Variants in CCDC171 observed in about 807,000 individuals in gnomAD.
CCDC171 encodes coiled-coil domain containing 171.
CCDC171 carries 177 observed loss-of-function variants against 168.2 expected under a neutral mutation model. The ratio of observed to expected loss-of-function variants is 1.05; its 90% CI spans 0.93 to 1.19. CCDC171 has a LOEUF of 1.19. Among genes scored for constraint, CCDC171 ranks in the 50% most tolerant of loss-of-function variants. The probability of loss-of-function intolerance (pLI) is 0.00; values close to 1 mark genes in which losing one functional copy is unlikely to be tolerated. For missense variants in CCDC171, 1,991 were observed against 1,539.0 expected (o/e 1.29, Z -4.91); for synonymous variants, 687 against 540.8 (o/e 1.27, Z -3.75).
intron 6 of CCDC171, among the ~76,000 whole-genome samples, chr9:15,602,568 A>C (rs1265930060): frequency 6.6e-6 from 1 of 150,758 alleles, no homozygotes; most frequent in African/African-American, 2.5e-5. Flanking sequence ...GAATATTAAC[A>C]TGAGTGAATT....
At chr9:15,897,042 C>T (rs1821001631) in intron 24 of CCDC171, among the ~76,000 whole-genome samples, 1 of 152,030 alleles carries the variant, frequency 6.6e-6, no homozygotes, top group Admixed American at 6.6e-5. Flanking sequence ...AATATAATGT[C>T]TCTGAGTCCC....
intron 21 of CCDC171, among the ~76,000 whole-genome samples, chr9:15,808,063 C>T (rs2059158535): frequency 6.6e-6 from 1 of 151,840 alleles, no homozygotes; most frequent in South Asian, 2.1e-4. Flanking sequence ...TTCATCATGT[C>T]CAGAAGTGAA....
At chr9:15,568,944 A>C (rs2039977143) in intron 2 of CCDC171, among the ~76,000 whole-genome samples, 1 of 152,148 alleles carries the variant, frequency 6.6e-6, no homozygotes, top group South Asian at 2.1e-4. Flanking sequence ...TGATTGCTTT[A>C]GGCATCTTCG....
intron 3 of CCDC171, among the ~76,000 whole-genome samples, chr9:15,575,431 C>T (rs1207590866): frequency 6.6e-6 from 1 of 152,112 alleles, no homozygotes; most frequent in Non-Finnish European, 1.5e-5. Flanking sequence ...ACCTTGGCCT[C>T]CCAAAGTGCT....
At chr9:15,969,477 G>A (rs934900999) in intron 25 of CCDC171, among the ~76,000 whole-genome samples, 2 of 152,104 alleles carry the variant, frequency 1.3e-5, no homozygotes, top group Non-Finnish European at 2.9e-5. Context: ...GGTCAGTTTG[G>A]CATAGTTACC....
rs527459479 is a variant in CCDC171 at position 15,886,956 on chromosome 9, T to C, written c.3600+12293T>C. Among the ~76,000 whole-genome samples the C allele has an allele frequency of 2.0e-5, 3 of 151,874 alleles. No individual in the cohort carries two copies. In the East Asian group the frequency reaches 5.8e-4, roughly 29 times the overall value. On this transcript the variant is annotated intron_variant, in intron 24 of 25. Transcript: ENST00000380701. Reference sequence around the variant, plus strand: ...AAAAATCTTACTCACAGAAACAGAGTAGAAGGTGGTTGGGGGTGGTTGGGG... The same window carrying C: ...AAAAATCTTACTCACAGAAACAGAGCAGAAGGTGGTTGGGGGTGGTTGGGG...
intron 10 of CCDC171, among the ~76,000 whole-genome samples, chr9:15,680,416 A>T (rs1308215715): frequency 6.6e-6 from 1 of 152,170 alleles, no homozygotes; most frequent in Non-Finnish European, 1.5e-5. Context: ...AGGACAATGG[A>T]TATTATTTTC....
At chr9:15,579,090 T>C (rs1391562606) in intron 4 of CCDC171, 67 bp downstream of exon 4, 3 of 1,251,936 alleles carry the variant, frequency 2.4e-6, no homozygotes, top group Non-Finnish European at 3.4e-6. Context: ...TCCTCGCTGT[T>C]GTGTGTACAT....
chr9:15,604,056 G>A (rs1208977028), intron 6 of CCDC171, among the ~76,000 whole-genome samples: 5 of 149,228 alleles, frequency 3.4e-5, no homozygotes, highest in Non-Finnish European at 5.9e-5. Flanking sequence ...CTTTTTTTTT[G>A]AGAAGTGTCT....
Position 15,887,499 on chromosome 9 carries a change from G to T in CCDC171, c.3600+12836G>T, listed in dbSNP as rs547655937. Among the ~76,000 whole-genome samples the T allele has an allele frequency of 2.6e-4, 40 of 152,046 alleles. 1 individual carries two copies. Among genetic ancestry groups the T allele is most frequent in the Non-Finnish European group, 2.9e-4 (20 of 68,020 alleles). On this transcript the variant is annotated intron_variant, in intron 24 of 25. Transcript: ENST00000380701. ...AGAAAACATTAAAAGGTAAACTGTGGCATATAAAATTTTAAGGTATTTGTT... is the reference window on the plus strand; with the variant it reads ...AGAAAACATTAAAAGGTAAACTGTGTCATATAAAATTTTAAGGTATTTGTT...
intron 1 of CCDC171, among the ~76,000 whole-genome samples, chr9:16,045,903 T>C (rs141122900): frequency 0.014 from 2,153 of 152,302 alleles, 46 homozygotes; most frequent in African/African-American, 0.048. Context: ...TTCCCTGGGA[T>C]ATACACATTC....
chr9:15,615,641 G>T (rs1004412206), intron 6 of CCDC171, among the ~76,000 whole-genome samples: 5 of 151,912 alleles, frequency 3.3e-5, no homozygotes, highest in African/African-American at 9.7e-5. Context: ...TGATTTTCCA[G>T]GTTCTTTTTT....
intron 24 of CCDC171, among the ~76,000 whole-genome samples, chr9:15,916,175 T>C (rs1338589196): frequency 6.6e-6 from 1 of 151,898 alleles, no homozygotes; most frequent in Non-Finnish European, 1.5e-5. Context: ...CTCAGAAATA[T>C]TGAATCTTTC....
At chr9:15,982,800 C>T (rs1345824958) in intron 3 of CCDC171, among the ~76,000 whole-genome samples, 2 of 152,104 alleles carry the variant, frequency 1.3e-5, no homozygotes, top group Non-Finnish European at 2.9e-5. Flanking sequence ...CTTCACGATT[C>T]ATTTCCCTGC....
At chr9:15,631,269 A>T (rs427078) in intron 7 of CCDC171, among the ~76,000 whole-genome samples, 13 of 150,876 alleles carry the variant, frequency 8.6e-5, no homozygotes, top group South Asian at 4.2e-4. Context: ...ATTGATAGAC[A>T]GCTAGCAAGA....
intron 16 of CCDC171, among the ~76,000 whole-genome samples, chr9:15,731,278 C>T (rs1279596502): frequency 6.6e-6 from 1 of 152,064 alleles, no homozygotes; most frequent in East Asian, 1.9e-4. Flanking sequence ...TTTTGATCAA[C>T]ATAAACACCC....
At chr9:15,592,847 C>G (rs914344100) in intron 5 of CCDC171, among the ~76,000 whole-genome samples, 4 of 151,776 alleles carry the variant, frequency 2.6e-5, no homozygotes, top group African/African-American at 9.7e-5. Flanking sequence ...TGATTTTAGG[C>G]TATTGGCTTT....
intron 24 of CCDC171, among the ~76,000 whole-genome samples, chr9:15,881,911 G>A (rs974443314): frequency 1.2e-4 from 19 of 152,146 alleles, no homozygotes; most frequent in African/African-American, 4.3e-4. Context: ...AGTAAAAATA[G>A]GAGTACAGAT....
chr9:15,600,549 C>T (rs566512011), intron 6 of CCDC171, among the ~76,000 whole-genome samples: 27 of 152,254 alleles, frequency 1.8e-4, no homozygotes, highest in East Asian at 5.8e-4. Flanking sequence ...TGCCCCTACT[C>T]AGGGGTGCCT....
Sources: allele counts gnomAD v4.1 joint callset (sites outside exome capture counted in the v4.1 genomes callset), GRCh38; gene constraint gnomAD v4.1.1; transcripts MANE v1.5; gene names NCBI Gene and HGNC (gene_info 2026-07-23, HGNC 2026-07-21).